The following RUNX1T1 variants were observed in gnomAD, a reference collection of about 807,000 sequenced individuals.
RUNX1T1 encodes the protein RUNX1 partner transcriptional co-repressor 1.
In RUNX1T1, 4 loss-of-function variants were observed where a neutral mutation model predicts 62.8. That is an observed-to-expected ratio of 0.06 (90% CI 0.03 to 0.15). The LOEUF (loss-of-function observed/expected upper bound fraction) is 0.15. RUNX1T1 is among the 10% of genes least tolerant of loss of function. The pLI, the probability that RUNX1T1 is intolerant of heterozygous loss-of-function variation, is 1.00. For missense variants in RUNX1T1, 508 were observed against 754.3 expected (o/e 0.67, Z 3.82); for synonymous variants, 291 against 286.0 (o/e 1.02, Z -0.18).
chr8:92,050,274 C>A (rs1830033557), intron 1 of RUNX1T1, among the ~76,000 whole-genome samples: 1 of 152,070 alleles, frequency 6.6e-6, no homozygotes. Context: ...AGATCAAGAG[C>A]AACAAACTAC....
intron 1 of RUNX1T1, 103 bp from the exon 3 acceptor site, chr8:92,017,466 C>T (rs763410106): frequency 3.3e-5 from 52 of 1,576,890 alleles, no homozygotes; most frequent in African/African-American, 9.4e-5. Context: ...AGAAATTCAA[C>T]ATCTTCTATC....
At chr8:91,962,798 T>C (rs1256645373) in intron 10 of RUNX1T1, among the ~76,000 whole-genome samples, 3 of 152,184 alleles carry the variant, frequency 2.0e-5, no homozygotes, top group Non-Finnish European at 4.4e-5. Flanking sequence ...TCCAAAACAA[T>C]ATTTTAAGGA....
intron 1 of RUNX1T1, among the ~76,000 whole-genome samples, chr8:92,044,110 T>C (rs920719764): frequency 7.9e-5 from 12 of 152,084 alleles, no homozygotes; most frequent in Non-Finnish European, 1.6e-4. Flanking sequence ...GATGTATGGA[T>C]AGACAGACAA....
At chr8:91,971,022 C>T in intron 9 of RUNX1T1, 174 bp from the exon 11 acceptor site, 1 of 474,860 alleles carries the variant, frequency 2.1e-6, no homozygotes, top group Admixed American at 3.9e-5. Context: ...TTACAGGAGC[C>T]TTCCAGCCAC....
chr8:92,040,397 C>T (rs1398434667), intron 1 of RUNX1T1, among the ~76,000 whole-genome samples: 1 of 152,054 alleles, frequency 6.6e-6, no homozygotes, highest in Non-Finnish European at 1.5e-5. Flanking sequence ...CTTAAAAGGC[C>T]GAGTCTACAT....
chr8:92,018,086 G>T (rs937655390), intron 1 of RUNX1T1, among the ~76,000 whole-genome samples: 7 of 152,084 alleles, frequency 4.6e-5, no homozygotes, highest in Non-Finnish European at 1.0e-4. Flanking sequence ...GAACTAAAAA[G>T]AACTAGACAC....
chr8:92,058,690 C>T (rs1392262573), intron 1 of RUNX1T1, among the ~76,000 whole-genome samples: 1 of 152,146 alleles, frequency 6.6e-6, no homozygotes, highest in Non-Finnish European at 1.5e-5. Flanking sequence ...AACCTTCAAG[C>T]TCTAAAATAT....
At chr8:91,997,034 A>G (rs7001057) in intron 5 of RUNX1T1, among the ~76,000 whole-genome samples, 152,112 of 152,112 alleles carry the variant, frequency 1, 76,056 homozygotes, top group Non-Finnish European at 1. Flanking sequence ...GGCTGAAGCA[A>G]AAAAATCACT....
At chr8:92,049,548 GC>G (rs1829925993) in intron 1 of RUNX1T1, among the ~76,000 whole-genome samples, 1 of 152,112 alleles carries the variant, frequency 6.6e-6, no homozygotes. Context: ...GACTAAACTT[GC>G]CTGAATTACC....
intron 6 of RUNX1T1, among the ~76,000 whole-genome samples, chr8:91,988,768 C>G (rs1281350649): frequency 1.3e-5 from 2 of 152,068 alleles, no homozygotes; most frequent in Non-Finnish European, 2.9e-5. Context: ...TGAAACAGTA[C>G]TAAGCTTCAT....
At chr8:92,054,996 C>T (rs913330988) in intron 1 of RUNX1T1, among the ~76,000 whole-genome samples, 4 of 152,034 alleles carry the variant, frequency 2.6e-5, no homozygotes, top group African/African-American at 7.2e-5. Context: ...CAGAGTGAGA[C>T]TCCGTCTCAA....
intron 1 of RUNX1T1, among the ~76,000 whole-genome samples, chr8:92,056,609 T>C (rs1831080191): frequency 7.2e-6 from 1 of 139,632 alleles, no homozygotes; most frequent in South Asian, 2.2e-4. Flanking sequence ...AATCAACTGC[T>C]TTTTTTTTTT....
At chr8:92,028,520 C>G (rs895122448) in intron 1 of RUNX1T1, among the ~76,000 whole-genome samples, 1 of 152,132 alleles carries the variant, frequency 6.6e-6, no homozygotes, top group Non-Finnish European at 1.5e-5. Flanking sequence ...TGGGATCTAA[C>G]GACTTCACTT....
intron 4 of RUNX1T1, chr8:92,006,724 C>A (rs947188661): frequency 7.4e-5 from 11 of 149,604 alleles, no homozygotes; most frequent in African/African-American, 2.7e-4. Flanking sequence ...AGGTTTGTTA[C>A]ATAAGTAGAT....
chr8:92,098,113 TTTTC>T (rs746917044), intron 1 of RUNX1T1, among the ~76,000 whole-genome samples: 5 of 152,228 alleles, frequency 3.3e-5, no homozygotes, highest in African/African-American at 4.8e-5. Context: ...AAATCTAGCA[TTTTC>T]TTTCTTTCTT....
intron 1 of RUNX1T1, among the ~76,000 whole-genome samples, chr8:92,046,664 A>G (rs1348187109): frequency 1.3e-5 from 2 of 152,170 alleles, no homozygotes; most frequent in Non-Finnish European, 2.9e-5. Context: ...GTGCCTGGCC[A>G]AGATTTTTAA....
chr8:91,973,918 A>G (rs1478745177), intron 9 of RUNX1T1, among the ~76,000 whole-genome samples: 1 of 152,082 alleles, frequency 6.6e-6, no homozygotes, highest in Non-Finnish European at 1.5e-5. Flanking sequence ...TAGGGATACC[A>G]CTGTGAGAAG....
intron 1 of RUNX1T1, among the ~76,000 whole-genome samples, chr8:92,090,469 C>G (rs757952427): frequency 6.6e-6 from 1 of 152,096 alleles, no homozygotes; most frequent in Non-Finnish European, 1.5e-5. Flanking sequence ...ATTAAATCCT[C>G]ATGGCCTCAG....
At chr8:92,076,919 C>T (rs1338985358) in intron 1 of RUNX1T1, among the ~76,000 whole-genome samples, 2 of 151,914 alleles carry the variant, frequency 1.3e-5, no homozygotes, top group Non-Finnish European at 2.9e-5. Flanking sequence ...GTAATTCTTA[C>T]AAACTAGGAA....
Sources: gnomAD v4.1 joint callset for allele counts (sites outside exome capture counted in the v4.1 genomes callset) on GRCh38, gnomAD v4.1.1 for gene constraint, MANE v1.5 for transcripts, NCBI Gene and HGNC (gene_info 2026-07-23, HGNC 2026-07-21) for gene names.